The following SLC6A12 variants were observed in gnomAD, a reference collection of about 807,000 sequenced individuals.
SLC6A12 encodes the protein sodium- and chloride-dependent betaine transporter.
A neutral mutation model predicts 73.3 loss-of-function variants in SLC6A12; 50 were observed. The ratio of observed to expected loss-of-function variants is 0.68; its 90% confidence interval spans 0.54 to 0.86. SLC6A12 has a LOEUF of 0.86. SLC6A12 is among the 40% of genes least tolerant of loss of function. The pLI is 0.00. For synonymous variants in SLC6A12, 304 were observed against 309.2 expected (o/e 0.98, Z 0.18); for missense variants, 648 against 772.8 (o/e 0.84, Z 1.92).
the SLC6A12 span, among the ~76,000 whole-genome samples, chr12:184,203 AAT>A: frequency 6.6e-6 from 1 of 152,190 alleles, no homozygotes; most frequent in Admixed American, 6.5e-5. Context: ...GGAGAAAAAC[AAT>A]ATAATTATCT....
At chr12:187,589 C>CAAAAGAGCAAAAGAGCAA (rs1939453849), downstream of SLC6A12, among the ~76,000 whole-genome samples, 14 of 106,048 alleles carry the variant, frequency 1.3e-4, no homozygotes, top group African/African-American at 5.8e-4. Context: ...TGCAAAAGAG[C>CAAAAGAGCAAAAGAGCAA]AAAAAAAAAA....
At chr12:192,380 T>C in intron 15 of SLC6A12, 98 bp downstream of exon 15, 2 of 1,059,054 alleles carry the variant, frequency 1.9e-6, no homozygotes, top group Non-Finnish European at 2.8e-6. Context: ...ACACTCAGAG[T>C]TTGTGTCTGC....
At chr12:195,494 C>A (rs948689023) in intron 12 of SLC6A12, among the ~76,000 whole-genome samples, 167 bp from the exon 13 acceptor site, 1 of 152,150 alleles carries the variant, frequency 6.6e-6, no homozygotes, top group Non-Finnish European at 1.5e-5. Flanking sequence ...GCCTTCAGGC[C>A]CCCCAGTCAA....
At chr12:187,220 T>G (rs1307716084), downstream of SLC6A12, among the ~76,000 whole-genome samples, 1 of 152,138 alleles carries the variant, frequency 6.6e-6, no homozygotes, top group Non-Finnish European at 1.5e-5. Context: ...GAGATGAAAG[T>G]GTGCCCAGAG....
At chr12:197,674 C>T (rs1483982429) in intron 9 of SLC6A12, among the ~76,000 whole-genome samples, 173 bp from the exon 10 acceptor site, 1 of 151,478 alleles carries the variant, frequency 6.6e-6, no homozygotes. Flanking sequence ...GGGAAGAAGA[C>T]AGTAGAAGAA....
chr12:204,334 G>GCCTCCCCCA, intron 4 of SLC6A12: 1 of 529,212 alleles, frequency 1.9e-6, no homozygotes, highest in Middle Eastern at 5.2e-4. Context: ...CACCAAACTG[G>GCCTCCCCCA]CCTCCCCCAC....
downstream of SLC6A12, among the ~76,000 whole-genome samples, chr12:187,648 C>T (rs1025767898): frequency 1.5e-5 from 2 of 137,470 alleles, no homozygotes; most frequent in African/African-American, 5.8e-5. Flanking sequence ...ACACACACAG[C>T]ACCCACTGCA....
At chr12:184,763 T>A in the SLC6A12 span, among the ~76,000 whole-genome samples, 2 of 135,872 alleles carry the variant, frequency 1.5e-5, no homozygotes, top group African/African-American at 5.2e-5. Flanking sequence ...AATAAATAAA[T>A]AAAAAAATAA....
intron 2 of SLC6A12, among the ~76,000 whole-genome samples, chr12:211,815 C>A (rs541044718): frequency 6.6e-6 from 1 of 152,312 alleles, no homozygotes; most frequent in South Asian, 2.1e-4. Context: ...ATGATAATAA[C>A]AACAGGTTGA....
chr12:186,803 GGA>G (rs145415324), downstream of SLC6A12, among the ~76,000 whole-genome samples: 906 of 152,314 alleles, frequency 5.9e-3, 17 homozygotes, highest in Admixed American at 0.037. Flanking sequence ...TGTCCAGGTG[GGA>G]GAGAGACTTG....
chr12:194,545 T>TC (rs939784463), intron 13 of SLC6A12, among the ~76,000 whole-genome samples: 3 of 152,146 alleles, frequency 2.0e-5, no homozygotes, highest in African/African-American at 7.2e-5. Flanking sequence ...AGCCTCACTC[T>TC]CCCCCTGCAC....
rs1044859657 is a variant in SLC6A12, at chr12:209,980, C to T, written c.7G>A (p.Gly3Arg). The change falls in exon 3 of 16, where the codon GGG becomes AGG. Residue 3 changes from glycine (G) to arginine (R), a missense_variant. Transcript: ENST00000684302. MD[G>R]KVAVQECGPP... The stretch of plus-strand genomic sequence containing the variant: ...CCACACTCTTGCACTGCCACCTTCC[C>T]GTCCATGGCTGTGTGGTGGGTTGGG... 1.3e-5 allele frequency: 21 copies of T among 1,613,948 alleles called. No individual in the cohort carries two copies. The highest frequency in any genetic ancestry group is 2.7e-5 in the African/African-American group (2 of 74,928).
At chr12:197,078 C>CATCCATCCATCCATCCATCT (rs1565468837) in intron 10 of SLC6A12, among the ~76,000 whole-genome samples, 196 bp from the exon 11 acceptor site, 1 of 8,948 alleles carries the variant, frequency 1.1e-4, no homozygotes, top group Non-Finnish European at 2.8e-4. Context: ...TCTACCCATC[C>CATCCATCCATCCATCCATCT]ATCCATCCAT....
intron 11 of SLC6A12, 122 bp downstream of exon 11, chr12:196,648 C>T (rs1007282358): frequency 2.7e-6 from 2 of 747,466 alleles, no homozygotes; most frequent in South Asian, 1.6e-5. Flanking sequence ...AAGCCCTGGA[C>T]AGCAGAGGGG....
rs1269246921 is a variant in SLC6A12, at chr12:198,122, T to G, written c.847-119A>C. On this transcript the variant is annotated intron_variant, in intron 8 of 15. Transcript: ENST00000684302. This position sits in a 1 kb window ranked among gnomAD's most constrained non-coding sequence, Gnocchi z 4.0. The stretch of plus-strand genomic sequence containing the variant: ...TGGCCCCTCAGTGCTCCCTGAGCGC[T>G]TCCCTCCTGCATCCCAACTCTCCGT... 3 of 723,870 alleles carry G rather than the reference T, an allele frequency of 4.1e-6. No individual in the cohort carries two copies. The highest frequency in any genetic ancestry group is 7.1e-6 in the Non-Finnish European group (3 of 420,722). The allele number at this position is 723,870 out of a possible 1,614,324, so 44.8% of individuals were successfully genotyped here.
At chr12:201,579 C>T (rs998731757) in intron 6 of SLC6A12, 183 bp downstream of exon 6, 6 of 600,420 alleles carry the variant, frequency 1.0e-5, no homozygotes, top group South Asian at 7.6e-5. Flanking sequence ...TCCGTGGACC[C>T]GTGTGGGTAG....
intron 3 of SLC6A12, among the ~76,000 whole-genome samples, chr12:207,291 G>A (rs558075714): frequency 5.6e-4 from 85 of 152,352 alleles, no homozygotes; most frequent in African/African-American, 1.9e-3. Context: ...GACCTTTACC[G>A]ACACGGTGCC....
At chr12:196,474 G>C (rs1939872775) in intron 11 of SLC6A12, among the ~76,000 whole-genome samples, 1 of 152,322 alleles carries the variant, frequency 6.6e-6, no homozygotes, top group Admixed American at 6.5e-5. Context: ...TTAGAGGGGG[G>C]TATGTTCTGT....
rs371597503 is a variant in SLC6A12, at chr12:202,855, G to C, written c.375C>G (p.Ile125Met). The C allele has an allele frequency of 6.2e-7, 1 of 1,613,872 alleles. No homozygotes were observed. Among genetic ancestry groups the C allele is most frequent in the Admixed American group, 1.7e-5 (1 of 60,002 alleles). The change falls in exon 5 of 16, where the codon ATC becomes ATG. Residue 125 changes from isoleucine to methionine, a missense_variant. Coordinates refer to ENST00000684302, the MANE Select transcript of SLC6A12 (RefSeq NM_001122848.3). Reference protein sequence around the residue: ...FQGIGLASVVIESYLNVYYII... With the variant: ...FQGIGLASVVMESYLNVYYII... ...TGTAGTAGACATTCAAATATGACTC[G>C]ATGACCACAGATGCCAGACCAATGC...
Sources: gnomAD v4.1 joint callset for allele counts (sites outside exome capture counted in the v4.1 genomes callset) on GRCh38, gnomAD v4.1.1 for gene constraint, Gnocchi (gnomAD v3.1) non-coding constraint, MANE v1.5 for transcripts, NCBI Gene and HGNC (gene_info 2026-07-23, HGNC 2026-07-21) for gene names.